The following DRAM2 variants were observed in gnomAD, a reference collection of about 807,000 sequenced individuals.
DRAM2 encodes the protein DNA damage-regulated autophagy modulator protein 2.
In DRAM2, 26 loss-of-function variants were observed where a neutral mutation model predicts 33.5. The observed-to-expected ratio is 0.78, with a 90% CI of 0.57 to 1.08. DRAM2 has a LOEUF of 1.08. Ranked by LOEUF, DRAM2 falls within the 50% of genes least tolerant of loss-of-function variation. DRAM2 has a pLI of 0.00. For missense variants in DRAM2, 311 were observed against 318.1 expected (o/e 0.98, Z 0.17); for synonymous variants, 98 against 109.5 (o/e 0.89, Z 0.66).
At chr1:111,132,845 G>A (rs1355252835) in intron 3 of DRAM2, among the ~76,000 whole-genome samples, 1 of 151,428 alleles carries the variant, frequency 6.6e-6, no homozygotes, top group Admixed American at 6.6e-5. Context: ...ACCATGCCCA[G>A]CTAACTTTAT....
chr1:111,120,971 C>T (rs1430525641), intron 6 of DRAM2, among the ~76,000 whole-genome samples: 2 of 152,000 alleles, frequency 1.3e-5, no homozygotes, highest in African/African-American at 2.4e-5. Flanking sequence ...AATATGTTTA[C>T]TTGGTGCCTA....
rs368155726 is a variant in DRAM2, at chr1:111,137,178, C to T, written c.-15+345G>A. 1.4e-3 allele frequency among the ~76,000 whole-genome samples: 199 copies of T among 138,676 alleles called. 2 individuals carry two copies. Among genetic ancestry groups the T allele is most frequent in the Non-Finnish European group, 2.4e-3 (157 of 65,926 alleles). The allele number at this position is 138,676 out of a possible 152,430, so 91.0% of individuals were successfully genotyped here. ...TGAGGCAGGAGAATGGTGTGAACCC[C>T]GGGGGGCGGAGCCTGCAGTGAGCCG... On this transcript the variant is annotated intron_variant, in intron 3 of 9. Transcript: ENST00000484310.
intron 4 of DRAM2, among the ~76,000 whole-genome samples, chr1:111,130,766 G>A (rs1178974933): frequency 6.6e-6 from 1 of 151,490 alleles, no homozygotes; most frequent in Non-Finnish European, 1.5e-5. Context: ...GGAGGCTGAG[G>A]TGGGCAGATC....
At chr1:111,138,899 TG>T (rs1653885785) in intron 2 of DRAM2, among the ~76,000 whole-genome samples, 1 of 152,214 alleles carries the variant, frequency 6.6e-6, no homozygotes, top group African/African-American at 2.4e-5. Flanking sequence ...TAAATACCCG[TG>T]GTAATAAAAT....
chr1:111,138,976 T>C (rs1438288563), intron 2 of DRAM2: 2 of 152,178 alleles, frequency 1.3e-5, no homozygotes, highest in African/African-American at 4.8e-5. Flanking sequence ...TTCTGGAAGT[T>C]CCAAGTGAAC....
chr1:111,133,173 CTTACCTTT>C (rs1217694126), intron 3 of DRAM2, among the ~76,000 whole-genome samples: 31 of 146,562 alleles, frequency 2.1e-4, no homozygotes, highest in African/African-American at 7.6e-4. Context: ...CTTGTCTTTA[CTTACCTTT>C]TTTTTTTTTT....
chr1:111,120,409 A>T, intron 7 of DRAM2, 107 bp downstream of exon 7: 1 of 424,818 alleles, frequency 2.4e-6, no homozygotes, highest in Non-Finnish European at 3.5e-6. Flanking sequence ...AAAAAAAAAA[A>T]AAAAAAAAAA....
chr1:111,132,962 G>A (rs1269256808), intron 3 of DRAM2, among the ~76,000 whole-genome samples: 1 of 151,952 alleles, frequency 6.6e-6, no homozygotes, highest in East Asian at 1.9e-4. Flanking sequence ...TTATAGGTAT[G>A]AGCCACCCAG....
intron 3 of DRAM2, among the ~76,000 whole-genome samples, chr1:111,134,280 T>A (rs1652707306): frequency 6.6e-6 from 1 of 152,032 alleles, no homozygotes; most frequent in African/African-American, 2.4e-5. Context: ...TAATTTCATG[T>A]TTGAAGGAGT....
intron 6 of DRAM2, among the ~76,000 whole-genome samples, chr1:111,121,947 A>C (rs754559611): frequency 2.0e-5 from 3 of 152,132 alleles, no homozygotes; most frequent in Non-Finnish European, 4.4e-5. Flanking sequence ...TGGCCTACCA[A>C]ACAGAGGAAA....
At chr1:111,118,388 C>T in intron 9 of DRAM2, 121 bp from the exon 10 acceptor site, 1 of 666,466 alleles carries the variant, frequency 1.5e-6, no homozygotes, top group Non-Finnish European at 2.5e-6. Flanking sequence ...GGTAGTGAGA[C>T]AGCTGTTTTA....
intron 6 of DRAM2, among the ~76,000 whole-genome samples, chr1:111,121,364 C>A (rs912610124): frequency 1.3e-5 from 2 of 152,080 alleles, no homozygotes; most frequent in African/African-American, 4.8e-5. Context: ...TCCCTCTGAG[C>A]CTCCAATAAG....
chr1:111,130,669 C>T (rs566332151), intron 4 of DRAM2, among the ~76,000 whole-genome samples: 4 of 150,004 alleles, frequency 2.7e-5, no homozygotes, highest in African/African-American at 7.4e-5. Context: ...CACTGCACTC[C>T]AGCCTGGGCG....
At chr1:111,121,169 G>C (rs1301805125) in intron 6 of DRAM2, among the ~76,000 whole-genome samples, 1 of 152,088 alleles carries the variant, frequency 6.6e-6, no homozygotes, top group African/African-American at 2.4e-5. Context: ...GATTAGGATG[G>C]ACTGCAGTGC....
At chr1:111,123,732 T>A (rs909127669) in intron 6 of DRAM2, among the ~76,000 whole-genome samples, 2 of 152,060 alleles carry the variant, frequency 1.3e-5, no homozygotes, top group Non-Finnish European at 2.9e-5. Flanking sequence ...AATAGACTGA[T>A]GTGGGGGGTT....
chr1:111,127,270 C>G (rs1182874602), intron 4 of DRAM2, among the ~76,000 whole-genome samples: 2 of 152,000 alleles, frequency 1.3e-5, no homozygotes, highest in African/African-American at 2.4e-5. Context: ...AATTGACATA[C>G]TACAGGAAAG....
intron 2 of DRAM2, among the ~76,000 whole-genome samples, chr1:111,138,264 T>C (rs1343647413): frequency 6.6e-6 from 1 of 152,226 alleles, no homozygotes; most frequent in Non-Finnish European, 1.5e-5. Flanking sequence ...AAGCAGGGCT[T>C]GAAATGGTTT....
chr1:111,119,835 A>G, intron 8 of DRAM2, 42 bp downstream of exon 8: 4 of 1,455,090 alleles, frequency 2.7e-6, no homozygotes, highest in Middle Eastern at 3.5e-4. Flanking sequence ...CAAAATAACC[A>G]TCTTTAATAT....
At chr1:111,122,792 G>A (rs1044014691) in intron 6 of DRAM2, 3 of 151,878 alleles carry the variant, frequency 2.0e-5, no homozygotes, top group African/African-American at 7.3e-5. Flanking sequence ...AAGATGAAGA[G>A]GGCATCTAAA....
Sources: gnomAD v4.1 joint callset for allele counts (sites outside exome capture counted in the v4.1 genomes callset) on GRCh38, gnomAD v4.1.1 for gene constraint, MANE v1.5 for transcripts, NCBI Gene and HGNC (gene_info 2026-07-23, HGNC 2026-07-21) for gene names.